KCNH1: variants seen among roughly 807,000 people sequenced by gnomAD.
KCNH1 encodes the protein voltage-gated delayed rectifier potassium channel KCNH1.
A neutral mutation model predicts 69.2 loss-of-function variants in KCNH1; 27 were observed. The ratio of observed to expected loss-of-function variants is 0.39; its 90% CI spans 0.29 to 0.54. The LOEUF (loss-of-function observed/expected upper bound fraction) is 0.54, where lower values mean the gene tolerates loss of function less well. Among genes scored for constraint, KCNH1 ranks in the 20% least tolerant of loss-of-function variants. The pLI is 0.68. For synonymous variants in KCNH1, 456 were observed against 487.7 expected (o/e 0.93, Z 0.86); for missense variants, 798 against 1,261.6 (o/e 0.63, Z 5.57).
Position 211,100,014 on chromosome 1 carries a change from T to C in KCNH1, c.310+3482A>G, listed in dbSNP as rs548162257. 3.3e-5 allele frequency among the ~76,000 whole-genome samples: 5 copies of C among 152,328 alleles called. No homozygotes were observed. The East Asian group carries it at 9.6e-4, about 29-fold the overall frequency. ...TAAGCTCTATTCCATCTCCACGCTCTAGCTGGAGCCATATTTCTTTTCATT... is the reference window on the plus strand; with the variant it reads ...TAAGCTCTATTCCATCTCCACGCTCCAGCTGGAGCCATATTTCTTTTCATT... On this transcript the variant is annotated intron_variant, in intron 3 of 10. Transcript: ENST00000271751.
chr1:210,758,621 G>T lies in KCNH1; in HGVS notation c.2112+16727C>A, dbSNP rs184646344. On this transcript the variant is annotated intron_variant, in intron 10 of 10. Transcript: ENST00000271751. ...CCATCAAAGTCCCCACTGAGTCAAA[G>T]AAAATGTGAGTGTGGTGCCAGCTGC... Among the ~76,000 whole-genome samples the T allele has an allele frequency of 2.0e-5, 3 of 152,286 alleles. No homozygotes were observed. In the East Asian group the frequency reaches 5.8e-4, roughly 29 times the overall value.
chr1:210,803,768 A>G (rs1684474974), intron 8 of KCNH1, among the ~76,000 whole-genome samples, 199 bp downstream of exon 8: 1 of 152,130 alleles, frequency 6.6e-6, no homozygotes, highest in Admixed American at 6.6e-5. Context: ...CTAATTTCTT[A>G]ATGATGTTTT....
chr1:210,887,153 C>T lies in KCNH1; in HGVS notation c.1462+32487G>A, dbSNP rs1481303338. Among the ~76,000 whole-genome samples, 4 of 152,048 alleles carry T rather than the reference C, an allele frequency of 2.6e-5. No homozygotes were observed. In the East Asian group the frequency reaches 7.7e-4, roughly 29 times the overall value. ...GTTAAGGGAAGCCAGAAAGAAAGGTCGGGTTACCCACAAAGGGAAGCCCAT... is the reference window on the plus strand; with the variant it reads ...GTTAAGGGAAGCCAGAAAGAAAGGTTGGGTTACCCACAAAGGGAAGCCCAT... On this transcript the variant is annotated intron_variant, in intron 7 of 10. Transcript: ENST00000271751.
intron 7 of KCNH1, among the ~76,000 whole-genome samples, chr1:210,834,299 T>A (rs1475683442): frequency 1.3e-5 from 2 of 148,724 alleles, no homozygotes; most frequent in African/African-American, 2.5e-5. Flanking sequence ...TGTCCAACAA[T>A]GATAGACTGG....
chr1:211,133,724 A>C lies in KCNH1; in HGVS notation c.79+143T>G. 3.9e-5 allele frequency: 22 copies of C among 569,858 alleles called. No homozygotes were observed. Among genetic ancestry groups the C allele is most frequent in the Middle Eastern group, 3.2e-4 (1 of 3,136 alleles). The allele number at this position is 569,858 out of a possible 1,614,324, so 35.3% of individuals were successfully genotyped here. A position where few individuals can be genotyped will look rare whatever the true frequency, so the allele number is the denominator to read the frequency against. The stretch of plus-strand genomic sequence containing the variant: ...CTGCCCACCTTTCTCTGCCTCGGGG[A>C]GGCTGCCCTGGGTGCCCGCGCCGCG... On this transcript the variant is annotated intron_variant, in intron 1 of 10. Transcript: ENST00000271751. This position sits in a 1 kb window ranked among gnomAD's most constrained non-coding sequence, Gnocchi z 5.4.
chr1:210,845,098 C>T (rs1558493858), intron 7 of KCNH1, among the ~76,000 whole-genome samples: 1 of 152,056 alleles, frequency 6.6e-6, no homozygotes, highest in South Asian at 2.1e-4. Flanking sequence ...AGCTAACCAA[C>T]CAAAAAAAGT....
intron 5 of KCNH1, among the ~76,000 whole-genome samples, chr1:211,027,225 AGCAAAGG>A (rs1689699672): frequency 6.6e-6 from 1 of 152,238 alleles, no homozygotes; most frequent in Non-Finnish European, 1.5e-5. Context: ...AGAAAGTCTC[AGCAAAGG>A]AGATATAAGG....
In KCNH1 at chr1:211,100,207, C is replaced by A. The variant is rs557522638; in HGVS notation, c.310+3289G>T. 2.0e-5 allele frequency among the ~76,000 whole-genome samples: 3 copies of A among 152,196 alleles called. No individual in the cohort carries two copies. The South Asian group carries it at 6.2e-4, about 32-fold the overall frequency. On this transcript the variant is annotated intron_variant, in intron 3 of 10. Coordinates refer to ENST00000271751, the MANE Select transcript of KCNH1 (RefSeq NM_172362.3). ...GAAATCTGATGACATACTTACCCTG[C>A]TTAAAATCCCTCAACACCCCTCACC...
chr1:210,929,831 TC>T (rs1260426022), intron 6 of KCNH1, among the ~76,000 whole-genome samples: 1 of 152,198 alleles, frequency 6.6e-6, no homozygotes, highest in African/African-American at 2.4e-5. Flanking sequence ...CAGCAAAGTT[TC>T]CAGATACAAA....
At chr1:211,109,060 G>C (rs1691411818) in intron 1 of KCNH1, among the ~76,000 whole-genome samples, 1 of 152,236 alleles carries the variant, frequency 6.6e-6, no homozygotes, top group Non-Finnish European at 1.5e-5. Context: ...ACTTGCTCTA[G>C]TCTAAAAGGA....
intron 6 of KCNH1, among the ~76,000 whole-genome samples, chr1:211,001,358 T>C (rs1397010732): frequency 6.6e-6 from 1 of 152,084 alleles, no homozygotes; most frequent in African/African-American, 2.4e-5. Flanking sequence ...ACAAAGGATA[T>C]GAACAGACAC....
chr1:210,856,899 A>ATATATAT (rs57245090), intron 7 of KCNH1, among the ~76,000 whole-genome samples: 7 of 121,776 alleles, frequency 5.7e-5, no homozygotes, highest in East Asian at 2.9e-4. Context: ...ATATATATAT[A>ATATATAT]AAATACTCAT....
chr1:211,086,819 T>C (rs1690960534), intron 4 of KCNH1, among the ~76,000 whole-genome samples: 1 of 152,154 alleles, frequency 6.6e-6, no homozygotes, highest in Non-Finnish European at 1.5e-5. Flanking sequence ...AGCCTTGTCC[T>C]GAGATACAGG....
At chr1:211,129,366 GAAGCCAAGGATT>G (rs1558616936) in intron 1 of KCNH1, among the ~76,000 whole-genome samples, 1 of 152,174 alleles carries the variant, frequency 6.6e-6, no homozygotes, top group African/African-American at 2.4e-5. Context: ...CGGAAACAAT[GAAGCCAAGGATT>G]CAGTTGACCC....
At position 210,681,405 on chromosome 1, in the gene KCNH1, C is replaced by A. The variant is rs1574175631; in HGVS notation, c.*1876G>T. 6.6e-6 allele frequency: 1 copy of A among 152,358 alleles called. No individual in the cohort carries two copies. Among genetic ancestry groups the A allele is most frequent in the East Asian group, 1.9e-4 (1 of 5,184 alleles). The allele number at this position is 152,358 out of a possible 1,614,324, so 9.4% of individuals were successfully genotyped here. On this transcript the variant is annotated 3_prime_UTR_variant, in exon 11 of 11. Transcript: ENST00000271751. ...TGTCGCAACCTGGAGAAGCCAGGGG[C>A]AGCCCCTGTAAGCCTGATGTGAGAA...
intron 10 of KCNH1, among the ~76,000 whole-genome samples, chr1:210,747,356 G>T (rs1386735699): frequency 2.0e-5 from 3 of 151,956 alleles, no homozygotes; most frequent in Non-Finnish European, 4.4e-5. Context: ...AGGGTCTAAG[G>T]AGGTAGGAAT....
At chr1:211,037,063 A>T (rs2102428383) in intron 5 of KCNH1, among the ~76,000 whole-genome samples, 1 of 152,340 alleles carries the variant, frequency 6.6e-6, no homozygotes, top group East Asian at 1.9e-4. Flanking sequence ...AAAATAGGGA[A>T]ATCAGACTGA....
At position 210,683,678 on chromosome 1, in the gene KCNH1, G is replaced by A. The variant is rs754509705; in HGVS notation, c.2573C>T (p.Ser858Leu). 5.0e-6 allele frequency: 8 copies of A among 1,614,064 alleles called. No individual in the cohort carries two copies. Among genetic ancestry groups the A allele is most frequent in the Admixed American group, 1.7e-5 (1 of 60,004 alleles). ...EDWNKVSKAE[S>L]METLPERTKA... ...TGTCCTCTCGGGAAGTGTCTCCATC[G>A]ACTCAGCCTTGGACACCTTGTTCCA... The change falls in exon 11 of 11, where the codon TCG becomes TTG. Residue 858 changes from serine to leucine, a missense_variant. This residue lies in a region of KCNH1 where 331 missense variants were observed against 363.2 expected (regional missense o/e 0.91). Coordinates refer to ENST00000271751, the MANE Select transcript of KCNH1 (RefSeq NM_172362.3). This position sits in a 1 kb window ranked among gnomAD's most constrained non-coding sequence, Gnocchi z 5.7.
chr1:211,021,645 A>G (rs182481074), intron 5 of KCNH1, among the ~76,000 whole-genome samples: 105 of 152,212 alleles, frequency 6.9e-4, no homozygotes, highest in African/African-American at 2.3e-3. Flanking sequence ...TGCAGGATAC[A>G]AAACTCAACA....
Sources: allele counts gnomAD v4.1 joint callset (sites outside exome capture counted in the v4.1 genomes callset), GRCh38; gene constraint gnomAD v4.1.1; regional missense constraint gnomAD v4.1.1; non-coding constraint Gnocchi (gnomAD v3.1); transcripts MANE v1.5; gene names NCBI Gene and HGNC (gene_info 2026-07-23, HGNC 2026-07-21).